ENPP6: variants seen among roughly 807,000 people sequenced by gnomAD.
ENPP6 encodes the protein glycerophosphocholine cholinephosphodiesterase ENPP6.
A neutral mutation model predicts 42.0 loss-of-function variants in ENPP6; 32 were observed. The observed-to-expected ratio is 0.76, with a 90% CI of 0.58 to 1.02. The LOEUF (loss-of-function observed/expected upper bound fraction) is 1.02, where lower values mean the gene tolerates loss of function less well. Ranked by LOEUF, ENPP6 falls within the 50% of genes least tolerant of loss-of-function variation. ENPP6 has a pLI of 0.00. For synonymous variants in ENPP6, 213 were observed against 216.0 expected (o/e 0.99, Z 0.12); for missense variants, 552 against 566.8 (o/e 0.97, Z 0.27).
chr4:184,201,657 T>C (rs1401387903), intron 1 of ENPP6, among the ~76,000 whole-genome samples: 2 of 152,168 alleles, frequency 1.3e-5, no homozygotes, highest in Non-Finnish European at 2.9e-5. Flanking sequence ...AAAGTGACAC[T>C]TCAGTGCAGA....
intron 3 of ENPP6, among the ~76,000 whole-genome samples, chr4:184,123,933 C>A (rs1391248424): frequency 6.6e-6 from 1 of 152,132 alleles, no homozygotes; most frequent in East Asian, 1.9e-4. Context: ...AGATTCAAAC[C>A]CTTAGGGATT....
At chr4:184,151,078 C>T (rs1274107084) in intron 2 of ENPP6, among the ~76,000 whole-genome samples, 1 of 152,190 alleles carries the variant, frequency 6.6e-6, no homozygotes, top group Non-Finnish European at 1.5e-5. Flanking sequence ...TGGCTCATGC[C>T]TATAATCCCA....
At position 184,089,879 on chromosome 4, in the gene ENPP6, G is replaced by C. The variant is rs1293829283; in HGVS notation, c.*1298C>G. 2.6e-5 allele frequency: 4 copies of C among 152,130 alleles called. No homozygotes were observed. Among genetic ancestry groups the C allele is most frequent in the African/African-American group, 9.7e-5 (4 of 41,422 alleles). The allele number at this position is 152,130 out of a possible 1,614,324, so 9.4% of individuals were successfully genotyped here. A position where few individuals can be genotyped will look rare whatever the true frequency, so the allele number is the denominator to read the frequency against. On this transcript the variant is annotated 3_prime_UTR_variant, in exon 8 of 8. Transcript: ENST00000296741. ...ATCATGTAAAAAGGAGTTATTTCTT[G>C]TGTTACAATTTCTCCTATAGCAAAC...
At position 184,112,732 on chromosome 4, in the gene ENPP6, C is replaced by G. The variant is rs967079828; in HGVS notation, c.933G>C (p.Lys311Asn). The G allele has an allele frequency of 1.2e-6, 2 of 1,614,130 alleles. No individual in the cohort carries two copies. The highest frequency in any genetic ancestry group is 1.7e-6 in the Non-Finnish European group (2 of 1,180,028). ...TCAAAGGAGAGACAAACTTTCCTTTCTTGTAATAGAACCTGCTTGGGATGG... is the reference window on the plus strand; with the variant it reads ...TCAAAGGAGAGACAAACTTTCCTTTGTTGTAATAGAACCTGCTTGGGATGG... ...KEAIPSRFYY[K>N]KGKFVSPLTL... is the part of the protein sequence containing the mutation. Residue 311 changes from lysine (K) to asparagine (N), a missense_variant, in exon 6 of 8, where the codon AAG (lysine) becomes AAC (asparagine). This residue lies in a region of ENPP6 where 545 missense variants were observed against 546.3 expected (regional missense o/e 1.00). Coordinates refer to ENST00000296741, the MANE Select transcript of ENPP6 (RefSeq NM_153343.4).
intron 1 of ENPP6, among the ~76,000 whole-genome samples, chr4:184,203,014 C>A (rs1936164865): frequency 6.6e-6 from 1 of 151,980 alleles, no homozygotes. Flanking sequence ...GAGGCCAAAG[C>A]AGGTGGATCA....
At chr4:184,211,033 A>G (rs1364428832) in intron 1 of ENPP6, among the ~76,000 whole-genome samples, 3 of 150,806 alleles carry the variant, frequency 2.0e-5, no homozygotes, top group African/African-American at 7.3e-5. Flanking sequence ...TGTTCTTTGA[A>G]ACCAACGAGA....
In ENPP6 at chr4:184,151,731, A is replaced by G. The variant is rs1291771967; in HGVS notation, c.421+1823T>C. Among the ~76,000 whole-genome samples the G allele has an allele frequency of 1.3e-5, 2 of 152,152 alleles. 1 individual carries two copies. Among genetic ancestry groups the G allele is most frequent in the Admixed American group, 1.3e-4 (2 of 15,290 alleles). On this transcript the variant is annotated intron_variant, in intron 2 of 7. Transcript: ENST00000296741. ...TATGCCTGTGTATGAATTTGTTGAT[A>G]ATAATGCCTCTGAGAATGACCTCAA...
chr4:184,155,642 G>A (rs1737145265), intron 1 of ENPP6, among the ~76,000 whole-genome samples: 2 of 152,114 alleles, frequency 1.3e-5, no homozygotes, highest in South Asian at 4.1e-4. Context: ...AGGGGTGGAG[G>A]GATCTCTGCT....
chr4:184,113,899 T>C (rs1451805421), intron 5 of ENPP6, among the ~76,000 whole-genome samples: 6 of 103,712 alleles, frequency 5.8e-5, no homozygotes, highest in East Asian at 2.7e-4. Context: ...CCTTTCTTTC[T>C]TTTCTTTCTT....
intron 2 of ENPP6, among the ~76,000 whole-genome samples, chr4:184,131,226 CT>C (rs1185390395): frequency 4.4e-5 from 3 of 68,558 alleles, no homozygotes; most frequent in African/African-American, 1.3e-4. Flanking sequence ...CTTTTTCTTT[CT>C]TTCTTTCCTT....
At position 184,210,121 on chromosome 4, in the gene ENPP6, G is replaced by A. The variant is rs993351236; in HGVS notation, c.241+7458C>T. Reference sequence around the variant, plus strand: ...GGGAAAGGAACAACCGGTACCACCCGCTGCAAAATCATGCCAAAGTATAAA... The same window carrying A: ...GGGAAAGGAACAACCGGTACCACCCACTGCAAAATCATGCCAAAGTATAAA... On this transcript the variant is annotated intron_variant, in intron 1 of 7. Transcript: ENST00000296741. Among the ~76,000 whole-genome samples the A allele has an allele frequency of 4.6e-3, 700 of 151,376 alleles. 18 individuals are homozygous for A. Among genetic ancestry groups the A allele is most frequent in the African/African-American group, 0.016 (650 of 40,922 alleles).
At chr4:184,178,396 T>C (rs1324981706) in intron 1 of ENPP6, among the ~76,000 whole-genome samples, 5 of 152,178 alleles carry the variant, frequency 3.3e-5, no homozygotes, top group African/African-American at 1.2e-4. Flanking sequence ...CTATGACTGA[T>C]TGGGGTACCT....
rs540118678 is a variant in ENPP6, at chr4:184,192,294, T to C, written c.241+25285A>G. On this transcript the variant is annotated intron_variant, in intron 1 of 7. Transcript: ENST00000296741. ...GATACACCTAAACATCAAGAGATTA[T>C]TGGAATAAAATTGAGAGCCCAAGAA... Among the ~76,000 whole-genome samples the C allele has an allele frequency of 9.5e-4, 144 of 152,348 alleles. 1 individual carries two copies. The highest frequency in any genetic ancestry group is 2.9e-3 in the African/African-American group (120 of 41,586).
At chr4:184,131,520 A>ATTTTTTTTT (rs58927070) in intron 2 of ENPP6, among the ~76,000 whole-genome samples, 1 of 136,728 alleles carries the variant, frequency 7.3e-6, no homozygotes, top group African/African-American at 2.8e-5. Context: ...TGCCCAGCTA[A>ATTTTTTTTT]TTTTTTTTTT....
At chr4:184,158,606 C>A (rs1737211568) in intron 1 of ENPP6, among the ~76,000 whole-genome samples, 1 of 152,122 alleles carries the variant, frequency 6.6e-6, no homozygotes, top group African/African-American at 2.4e-5. Flanking sequence ...ATGAAGAATG[C>A]TTTGAATAGT....
Position 184,116,940 on chromosome 4 carries a change from C to T in ENPP6, c.771G>A (p.Lys257=). 6.2e-7 allele frequency: 1 copy of T among 1,614,222 alleles called. No individual in the cohort carries two copies. Among genetic ancestry groups the T allele is most frequent in the South Asian group, 1.1e-5 (1 of 91,084 alleles). ...FWMDKVIELN[K]YISLNDLQQV... is the part of the protein sequence containing the mutation. ...GCTGCAGGTCATTCAGGCTGATGTA[C>T]TTATTCAGCTCAATCACTTTGTCCA... is the stretch of plus-strand genomic sequence containing the variant. The change falls in exon 5 of 8, where the codon AAG becomes AAA. Residue 257 remains lysine, a synonymous_variant. Transcript: ENST00000296741.
At chr4:184,211,500 C>A (rs1475015737) in intron 1 of ENPP6, among the ~76,000 whole-genome samples, 3 of 152,092 alleles carry the variant, frequency 2.0e-5, no homozygotes, top group African/African-American at 4.8e-5. Context: ...GAAATGGATA[C>A]ATTCCTCGAC....
rs562952055 is a variant in ENPP6, at chr4:184,184,938, C to T, written c.242-31205G>A. ...CCCTAGGGAGCTGACACAAAGGCTGCGAGACAGGAGGAATGGGAGGAGAGG... is the reference window on the plus strand; with the variant it reads ...CCCTAGGGAGCTGACACAAAGGCTGTGAGACAGGAGGAATGGGAGGAGAGG... On this transcript the variant is annotated intron_variant, in intron 1 of 7. Coordinates refer to ENST00000296741, the MANE Select transcript of ENPP6 (RefSeq NM_153343.4). This position sits in a 1 kb window ranked among gnomAD's most constrained non-coding sequence, Gnocchi z 4.7. Among the ~76,000 whole-genome samples the T allele has an allele frequency of 1.3e-5, 2 of 152,066 alleles. No individual in the cohort carries two copies. The highest frequency in any genetic ancestry group is 2.9e-5 in the Non-Finnish European group (2 of 68,002).
At chr4:184,119,719 T>C (rs1367413110) in intron 3 of ENPP6, among the ~76,000 whole-genome samples, 1 of 151,870 alleles carries the variant, frequency 6.6e-6, no homozygotes, top group Non-Finnish European at 1.5e-5. Flanking sequence ...CAGTGGGAGG[T>C]GATTGGAGCA....
Sources: gnomAD v4.1 joint callset for allele counts (sites outside exome capture counted in the v4.1 genomes callset) on GRCh38, gnomAD v4.1.1 for gene constraint, gnomAD v4.1.1 regional missense constraint, Gnocchi (gnomAD v3.1) non-coding constraint, MANE v1.5 for transcripts, NCBI Gene and HGNC (gene_info 2026-07-23, HGNC 2026-07-21) for gene names.